Variants in EYS observed in about 807,000 individuals in gnomAD.
The protein encoded by EYS is protein eyes shut homolog.
Under a neutral mutation model 282.1 loss-of-function variants are expected in EYS, and 250 were observed. The observed-to-expected ratio is 0.89, with a 90% CI of 0.80 to 0.98. The LOEUF (loss-of-function observed/expected upper bound fraction) is 0.98. Among genes scored for constraint, EYS ranks in the 50% least tolerant of loss-of-function variants. EYS has a pLI of 0.00. For missense variants in EYS, 4,016 were observed against 3,709.0 expected, an observed-to-expected ratio of 1.08 and a Z score of -2.15; for synonymous variants, 1,355 against 1,282.9, an observed-to-expected ratio of 1.06 and a Z score of -1.20.
chr6:64,068,878 G>A (rs1771472935), intron 32 of EYS, among the ~76,000 whole-genome samples: 1 of 151,864 alleles, frequency 6.6e-6, no homozygotes, highest in Admixed American at 6.6e-5. Flanking sequence ...AAGAGACTTT[G>A]CAGATGTGAT....
chr6:65,252,820 A>G (rs1767361974), intron 12 of EYS, among the ~76,000 whole-genome samples: 1 of 152,058 alleles, frequency 6.6e-6, no homozygotes, highest in Non-Finnish European at 1.5e-5. Context: ...AACTGAAGTG[A>G]AAGTTTTCAT....
chr6:63,999,949 G>T (rs12205397), intron 33 of EYS, among the ~76,000 whole-genome samples: 3 of 151,784 alleles, frequency 2.0e-5, no homozygotes, highest in Admixed American at 6.6e-5. Flanking sequence ...ACAGTAACTT[G>T]CACTGTTATA....
intron 12 of EYS, among the ~76,000 whole-genome samples, chr6:65,098,302 A>C (rs1774796986): frequency 6.6e-6 from 1 of 150,720 alleles, no homozygotes; most frequent in Non-Finnish European, 1.5e-5. Flanking sequence ...GATATTTGTA[A>C]CTTTGGAGAT....
intron 12 of EYS, among the ~76,000 whole-genome samples, chr6:65,183,418 C>T (rs979126473): frequency 4.6e-5 from 7 of 151,754 alleles, no homozygotes; most frequent in Admixed American, 6.6e-5. Context: ...ATTCCAAATA[C>T]AATTTCGGAG....
chr6:64,543,548 A>G, intron 26 of EYS, among the ~76,000 whole-genome samples: 1 of 152,068 alleles, frequency 6.6e-6, no homozygotes, highest in East Asian at 1.9e-4. Flanking sequence ...AAATGTTGCC[A>G]CCTCTGAAAA....
Position 65,682,591 on chromosome 6 carries a change from A to G in EYS, c.-448+24544T>C, listed in dbSNP as rs114575192. 2.2e-3 allele frequency among the ~76,000 whole-genome samples: 337 copies of G among 152,090 alleles called. 1 individual carries two copies. The highest frequency in any genetic ancestry group is 7.9e-3 in the African/African-American group (328 of 41,542). On this transcript the variant is annotated intron_variant, in intron 1 of 42. Coordinates refer to ENST00000503581, the MANE Select transcript of EYS (RefSeq NM_001142800.2). ...TTATTTAATACAGTGTTCAACAAAC[A>G]TTTTTATAGATTGCCTAATATATAT... is the stretch of plus-strand genomic sequence containing the variant.
At chr6:64,314,704 C>A (rs553572911) in intron 29 of EYS, among the ~76,000 whole-genome samples, 1 of 151,952 alleles carries the variant, frequency 6.6e-6, no homozygotes, top group Non-Finnish European at 1.5e-5. Context: ...AATTAAGGCA[C>A]AAATAAAGAT....
chr6:63,997,231 A>G (rs1290502915), intron 34 of EYS, among the ~76,000 whole-genome samples: 7 of 152,226 alleles, frequency 4.6e-5, no homozygotes, highest in Admixed American at 4.6e-4. Flanking sequence ...AACATGCAGT[A>G]GAAAAGCCAC....
At chr6:64,924,009 C>T (rs1185230446) in intron 15 of EYS, among the ~76,000 whole-genome samples, 1 of 152,160 alleles carries the variant, frequency 6.6e-6, no homozygotes, top group South Asian at 2.1e-4. Flanking sequence ...CTAGGTGGTG[C>T]CCCAGTAGGG....
chr6:64,232,340 A>C (rs1766448526), intron 30 of EYS, among the ~76,000 whole-genome samples: 1 of 135,140 alleles, frequency 7.4e-6, no homozygotes, highest in South Asian at 2.3e-4. Context: ...AATAATTTTG[A>C]ATCTTTTTTT....
Position 65,443,334 on chromosome 6 carries a change from GTA to G in EYS, c.863-37969_863-37968del, listed in dbSNP as rs1562186286. Among the ~76,000 whole-genome samples the G allele has an allele frequency of 1.9e-4, 21 of 113,392 alleles. 4 individuals carry two copies. The highest frequency in any genetic ancestry group is 5.8e-4 in the South Asian group (2 of 3,460). 74.4% of individuals were successfully genotyped at this position (113,392 alleles called of 152,430 possible). A position where few individuals can be genotyped will look rare whatever the true frequency, so the allele number is the denominator to read the frequency against. ...CACATATAGACATATATGCATACAT[GTA>G]TGTACACATATAGACATATATGCAT... On this transcript the variant is annotated intron_variant, in intron 5 of 42. Transcript: ENST00000503581.
At chr6:65,188,277 T>C (rs1180201706) in intron 12 of EYS, among the ~76,000 whole-genome samples, 2 of 151,674 alleles carry the variant, frequency 1.3e-5, no homozygotes, top group East Asian at 3.9e-4. Context: ...ATAATGAGAC[T>C]GTCAATATAT....
At chr6:64,944,690 C>T (rs1025432138) in intron 15 of EYS, among the ~76,000 whole-genome samples, 3 of 151,974 alleles carry the variant, frequency 2.0e-5, no homozygotes, top group Admixed American at 6.6e-5. Context: ...CATCTTGCAG[C>T]TGAGATAGAG....
intron 26 of EYS, among the ~76,000 whole-genome samples, chr6:64,468,372 C>T (rs1365747916): frequency 3.3e-5 from 5 of 152,214 alleles, no homozygotes; most frequent in African/African-American, 1.2e-4. Context: ...AATGTCTTTC[C>T]TTATGAACAC....
At chr6:65,331,435 T>C (rs1275908379) in intron 11 of EYS, 8 of 791,098 alleles carry the variant, frequency 1.0e-5, no homozygotes, top group Admixed American at 6.3e-5. Context: ...GTATCACACA[T>C]ATAATTTCTA....
intron 29 of EYS, among the ~76,000 whole-genome samples, chr6:64,311,740 G>C (rs557443700): frequency 2.0e-5 from 3 of 152,158 alleles, no homozygotes; most frequent in African/African-American, 7.2e-5. Context: ...GCAGGATGGG[G>C]TGTCAGCTCA....
chr6:65,053,464 C>T (rs1487278980), intron 13 of EYS, among the ~76,000 whole-genome samples: 1 of 151,626 alleles, frequency 6.6e-6, no homozygotes, highest in Non-Finnish European at 1.5e-5. Context: ...GGGTAAGAGT[C>T]ATCTACTTCT....
chr6:63,747,248 T>G (rs1295912174), intron 41 of EYS, among the ~76,000 whole-genome samples: 1 of 152,206 alleles, frequency 6.6e-6, no homozygotes, highest in Non-Finnish European at 1.5e-5. Context: ...TCCACACAGT[T>G]GTGTGGTTTT....
intron 35 of EYS, among the ~76,000 whole-genome samples, chr6:63,889,061 T>C (rs1039161051): frequency 6.6e-6 from 1 of 151,946 alleles, no homozygotes; most frequent in Non-Finnish European, 1.5e-5. Flanking sequence ...ATCAGTTTAA[T>C]GAGATAAAGT....
Sources: gnomAD v4.1 joint callset for allele counts (sites outside exome capture counted in the v4.1 genomes callset) on GRCh38, gnomAD v4.1.1 for gene constraint, MANE v1.5 for transcripts, NCBI Gene and HGNC (gene_info 2026-07-23, HGNC 2026-07-21) for gene names.